The following STK3 variants were observed in gnomAD, a reference collection of about 807,000 sequenced individuals.
STK3 encodes the protein serine/threonine-protein kinase 3.
STK3 carries 41 observed loss-of-function variants against 58.0 expected under a neutral mutation model. The observed-to-expected ratio is 0.71, with a 90% CI of 0.55 to 0.92. The LOEUF is 0.92. STK3 is among the 40% of genes least tolerant of loss of function. The pLI is 0.00. For synonymous variants in STK3, 170 were observed against 191.0 expected (o/e 0.89, Z 0.91); for missense variants, 479 against 602.7 (o/e 0.79, Z 2.15).
intron 6 of STK3, among the ~76,000 whole-genome samples, chr8:98,618,176 T>C (rs1028855983): frequency 1.1e-4 from 17 of 151,938 alleles, no homozygotes; most frequent in Middle Eastern, 6.8e-3. Flanking sequence ...AATCAATAAA[T>C]GTAATCCAGC....
rs549959945 is a variant in STK3, at chr8:98,605,116, C to A, written c.685-8947G>T. ...AATTTAACAAGTCTCTAAGAAGTTC[C>A]AAACTTTCCCTCATTTTCCTGTCTT... On this transcript the variant is annotated intron_variant, in intron 6 of 10. Coordinates refer to ENST00000419617, the MANE Select transcript of STK3 (RefSeq NM_006281.4). 4.2e-4 allele frequency among the ~76,000 whole-genome samples: 64 copies of A among 152,260 alleles called. 3 individuals carry two copies. In the South Asian group the frequency reaches 0.013, roughly 31 times the overall value.
At chr8:98,919,544 G>C (rs1839476110) in intron 1 of STK3, among the ~76,000 whole-genome samples, 1 of 152,206 alleles carries the variant, frequency 6.6e-6, no homozygotes, top group Non-Finnish European at 1.5e-5. Context: ...ATTCTATGTT[G>C]TGATAGGGAG....
intron 1 of STK3, among the ~76,000 whole-genome samples, chr8:98,442,634 G>A (rs1818739593): frequency 2.0e-5 from 3 of 152,226 alleles, no homozygotes; most frequent in Non-Finnish European, 2.9e-5. Flanking sequence ...CGGCTTAGCA[G>A]CATTACGAAT....
rs375563313 is a variant in STK3 at position 98,421,197 on chromosome 8, T to A, written n.483+12930A>T. Among the ~76,000 whole-genome samples the A allele has an allele frequency of 2.2e-4, 34 of 152,288 alleles. No homozygotes were observed. The East Asian group carries it at 6.4e-3, about 29-fold the overall frequency. ...AGTGAGAGGGGATGGGGGCTTCAGT[T>A]CAGCTGTCAGCCTCCCACAGAAAGT... On this transcript the variant is annotated intron_variant and non_coding_transcript_variant, in intron 3 of 3. Transcript: ENST00000517832.
intron 6 of STK3, among the ~76,000 whole-genome samples, chr8:98,602,498 T>C (rs1182933759): frequency 6.6e-6 from 1 of 152,246 alleles, no homozygotes; most frequent in Non-Finnish European, 1.5e-5. Context: ...ACATATCTTT[T>C]GTACATAAAT....
At chr8:98,551,569 G>C (rs1811172655) in intron 8 of STK3, among the ~76,000 whole-genome samples, 1 of 152,112 alleles carries the variant, frequency 6.6e-6, no homozygotes, top group East Asian at 1.9e-4. Flanking sequence ...ACAAAAGACT[G>C]CCAGAACCAC....
intron 6 of STK3, among the ~76,000 whole-genome samples, chr8:98,690,036 A>C (rs1261020453): frequency 6.6e-6 from 1 of 152,142 alleles, no homozygotes; most frequent in East Asian, 1.9e-4. Context: ...ACATCAAAGG[A>C]ACATACCTTA....
upstream of STK3, among the ~76,000 whole-genome samples, chr8:98,828,622 G>A (rs1184769969): frequency 6.6e-6 from 1 of 151,642 alleles, no homozygotes; most frequent in African/African-American, 2.4e-5. Context: ...GAGAGGGAGG[G>A]AGGGAGGAAG....
intron 6 of STK3, among the ~76,000 whole-genome samples, chr8:98,697,292 T>A (rs1403395181): frequency 6.6e-6 from 1 of 152,210 alleles, no homozygotes; most frequent in Non-Finnish European, 1.5e-5. Flanking sequence ...ATTTTGTTGA[T>A]CCTTTCAGAA....
intron 2 of STK3, among the ~76,000 whole-genome samples, chr8:98,374,541 T>G (rs922754675): frequency 6.6e-6 from 1 of 152,246 alleles, no homozygotes; most frequent in Non-Finnish European, 1.5e-5. Context: ...ATGTGCACTG[T>G]GTACCTGGCT....
At chr8:98,488,640 T>A (rs1822456628) in intron 10 of STK3, among the ~76,000 whole-genome samples, 1 of 152,186 alleles carries the variant, frequency 6.6e-6, no homozygotes, top group Admixed American at 6.5e-5. Context: ...AAGAATGAAC[T>A]ACTGACAGAA....
intron 1 of STK3, among the ~76,000 whole-genome samples, chr8:98,920,383 C>T (rs146610785): frequency 6.6e-6 from 1 of 152,316 alleles, no homozygotes; most frequent in East Asian, 1.9e-4. Context: ...GAGACATAAA[C>T]AGTCAAACCT....
At chr8:98,744,632 A>G (rs1046692390) in intron 4 of STK3, among the ~76,000 whole-genome samples, 1 of 150,616 alleles carries the variant, frequency 6.6e-6, no homozygotes, top group African/African-American at 2.4e-5. Context: ...ACCTAATGCT[A>G]AATGACGAGT....
At chr8:98,773,222 T>C (rs1831435205) in intron 2 of STK3, among the ~76,000 whole-genome samples, 1 of 152,198 alleles carries the variant, frequency 6.6e-6, no homozygotes, top group Non-Finnish European at 1.5e-5. Context: ...AGAGATACAT[T>C]GAAATCTCCC....
chr8:98,432,696 C>T (rs746485007), intron 3 of STK3: 1 of 167,088 alleles, frequency 6.0e-6, no homozygotes, highest in Non-Finnish European at 1.5e-5. Context: ...TGTGTGTTAG[C>T]TACTTGAAGG....
chr8:98,812,657 C>T (rs1050282709), intron 1 of STK3, among the ~76,000 whole-genome samples: 1 of 152,176 alleles, frequency 6.6e-6, no homozygotes, highest in Non-Finnish European at 1.5e-5. Flanking sequence ...CAATGACAGA[C>T]TGGATTAAGA....
intron 1 of STK3, among the ~76,000 whole-genome samples, chr8:98,442,515 T>G (rs1332818350): frequency 6.6e-6 from 1 of 152,258 alleles, no homozygotes; most frequent in Non-Finnish European, 1.5e-5. Context: ...CATTATGGTT[T>G]TAGGGAAAGT....
At chr8:98,535,186 G>A (rs896656785) in intron 9 of STK3, among the ~76,000 whole-genome samples, 2 of 152,114 alleles carry the variant, frequency 1.3e-5, no homozygotes, top group African/African-American at 4.8e-5. Context: ...TGCTGGAAAA[G>A]TAAGAAACTC....
At chr8:98,642,418 C>A (rs1400082719) in intron 6 of STK3, among the ~76,000 whole-genome samples, 1 of 152,146 alleles carries the variant, frequency 6.6e-6, no homozygotes, top group Non-Finnish European at 1.5e-5. Flanking sequence ...GTGCCTCCAG[C>A]AGGAGAGGCA....
Sources: gnomAD v4.1 joint callset for allele counts (sites outside exome capture counted in the v4.1 genomes callset) on GRCh38, gnomAD v4.1.1 for gene constraint, MANE v1.5 for transcripts, NCBI Gene and HGNC (gene_info 2026-07-23, HGNC 2026-07-21) for gene names.